Variants in TTLL11 observed in about 807,000 individuals in gnomAD.
TTLL11 encodes tubulin polyglutamylase TTLL11.
A neutral mutation model predicts 51.7 loss-of-function variants in TTLL11; 42 were observed. The observed-to-expected ratio is 0.81, with a 90% CI of 0.64 to 1.05. The LOEUF (loss-of-function observed/expected upper bound fraction) is 1.05. Among genes scored for constraint, TTLL11 ranks in the 50% least tolerant of loss-of-function variants. The pLI, the probability that TTLL11 is intolerant of heterozygous loss-of-function variation, is 0.00. For synonymous variants in TTLL11, 381 were observed against 383.5 expected (o/e 0.99, Z 0.08); for missense variants, 799 against 940.4 (o/e 0.85, Z 1.97).
chr9:122,013,868 C>T (rs1352446377), intron 3 of TTLL11, among the ~76,000 whole-genome samples: 1 of 152,168 alleles, frequency 6.6e-6, no homozygotes, highest in East Asian at 1.9e-4. Context: ...GAAACTTGTG[C>T]AGAATTTTAA....
chr9:121,887,023 T>C (rs1480625633), intron 6 of TTLL11, among the ~76,000 whole-genome samples: 2 of 152,016 alleles, frequency 1.3e-5, no homozygotes, highest in African/African-American at 4.8e-5. Flanking sequence ...GGTAACTAAG[T>C]ACTGGCCCAT....
chr9:121,880,724 C>T (rs754902258), intron 6 of TTLL11, among the ~76,000 whole-genome samples: 26 of 152,244 alleles, frequency 1.7e-4, no homozygotes, highest in African/African-American at 3.9e-4. Flanking sequence ...GCTCCCAGTA[C>T]GCAGTAGGTG....
chr9:121,845,875 A>G (rs1837501241), intron 8 of TTLL11, among the ~76,000 whole-genome samples: 2 of 152,208 alleles, frequency 1.3e-5, no homozygotes, highest in South Asian at 4.1e-4. Context: ...AGAACAAGTC[A>G]GTGAATAGCA....
chr9:122,018,807 T>C (rs573643242), intron 3 of TTLL11, among the ~76,000 whole-genome samples: 7 of 152,336 alleles, frequency 4.6e-5, no homozygotes, highest in Admixed American at 2.0e-4. Context: ...CCTGAGGACT[T>C]TCAGCATCAA....
Position 121,866,008 on chromosome 9 carries a change from T to C in TTLL11, c.1733+4489A>G, listed in dbSNP as rs1404972301. Among the ~76,000 whole-genome samples, 8 of 152,306 alleles carry C rather than the reference T, an allele frequency of 5.3e-5. 1 individual carries two copies. The South Asian group carries it at 1.5e-3, about 28-fold the overall frequency. Reference sequence around the variant, plus strand: ...TGTTTATTATTTTCTTCCCTCTAGTTCTCTTCAAGGAGCTTGGAGAGAGAG... The same window carrying C: ...TGTTTATTATTTTCTTCCCTCTAGTCCTCTTCAAGGAGCTTGGAGAGAGAG... On this transcript the variant is annotated intron_variant, in intron 7 of 8. Transcript: ENST00000321582.
chr9:121,869,434 C>G (rs1036784923), intron 7 of TTLL11, among the ~76,000 whole-genome samples: 4 of 152,158 alleles, frequency 2.6e-5, no homozygotes, highest in Non-Finnish European at 5.9e-5. Context: ...ATACTGAGTG[C>G]TAGCAGACAT....
At chr9:121,906,473 T>A (rs748937240) in intron 6 of TTLL11, among the ~76,000 whole-genome samples, 107 of 152,326 alleles carry the variant, frequency 7.0e-4, no homozygotes, top group Non-Finnish European at 1.4e-3. Context: ...CTTTATCCCA[T>A]CACAGTTATT....
intron 1 of TTLL11, among the ~76,000 whole-genome samples, chr9:122,079,908 A>G (rs1051309857): frequency 1.3e-5 from 2 of 152,154 alleles, no homozygotes; most frequent in African/African-American, 4.8e-5. Flanking sequence ...TGGAAGGATC[A>G]CTTGAGGCTA....
chr9:122,064,156 A>C (rs1361171191), intron 1 of TTLL11, among the ~76,000 whole-genome samples: 1 of 152,226 alleles, frequency 6.6e-6, no homozygotes, highest in Admixed American at 6.5e-5. Context: ...ATCTACAATT[A>C]TATCATTTTC....
intron 6 of TTLL11, among the ~76,000 whole-genome samples, chr9:121,948,907 C>T (rs1217289934): frequency 6.6e-6 from 1 of 152,150 alleles, no homozygotes. Context: ...GCTTTGGGCA[C>T]AAAGGGACCA....
At chr9:121,988,067 TC>T in intron 4 of TTLL11, among the ~76,000 whole-genome samples, 1 of 152,104 alleles carries the variant, frequency 6.6e-6, no homozygotes, top group African/African-American at 2.4e-5. Flanking sequence ...CCTCAGGTTC[TC>T]CCTGCCCTCA....
chr9:122,059,935 A>G (rs1845397652), intron 1 of TTLL11, among the ~76,000 whole-genome samples: 1 of 151,936 alleles, frequency 6.6e-6, no homozygotes, highest in African/African-American at 2.4e-5. Flanking sequence ...GCAACTAGAG[A>G]CTCCCCACAG....
intron 1 of TTLL11, among the ~76,000 whole-genome samples, chr9:122,068,541 C>T (rs1025786307): frequency 6.6e-6 from 1 of 152,132 alleles, no homozygotes; most frequent in African/African-American, 2.4e-5. Context: ...TCTCTCAACC[C>T]TCCTCTAAGG....
intron 4 of TTLL11, among the ~76,000 whole-genome samples, chr9:121,979,254 TGGA>T (rs1842779036): frequency 6.6e-6 from 1 of 152,122 alleles, no homozygotes; most frequent in African/African-American, 2.4e-5. Flanking sequence ...GGAGTGGGCT[TGGA>T]GGAGGAGCTT....
chr9:121,952,380 A>C (rs1841876855), intron 6 of TTLL11, among the ~76,000 whole-genome samples: 1 of 147,558 alleles, frequency 6.8e-6, no homozygotes, highest in Non-Finnish European at 1.5e-5. Context: ...TGGGAGACAG[A>C]GGTTGCAGTG....
chr9:121,863,531 A>C (rs1429612351), intron 7 of TTLL11, among the ~76,000 whole-genome samples: 1 of 152,188 alleles, frequency 6.6e-6, no homozygotes, highest in Admixed American at 6.5e-5. Flanking sequence ...GTAATTTACC[A>C]AAGAAATTCT....
At chr9:121,874,751 G>A (rs1838500888) in intron 6 of TTLL11, among the ~76,000 whole-genome samples, 1 of 149,152 alleles carries the variant, frequency 6.7e-6, no homozygotes, top group Non-Finnish European at 1.5e-5. Flanking sequence ...CCTCTCAGAG[G>A]CATAATTTTT....
chr9:121,918,302 C>G (rs755723133), intron 6 of TTLL11, among the ~76,000 whole-genome samples: 1 of 152,090 alleles, frequency 6.6e-6, no homozygotes, highest in Non-Finnish European at 1.5e-5. Context: ...ACCAGAGAAA[C>G]CAGAAGTCAC....
At chr9:121,888,627 A>G (rs1174241508) in intron 6 of TTLL11, among the ~76,000 whole-genome samples, 1 of 152,198 alleles carries the variant, frequency 6.6e-6, no homozygotes, top group African/African-American at 2.4e-5. Flanking sequence ...AATAAATTAG[A>G]CACAGACACA....
Sources: allele counts gnomAD v4.1 joint callset (sites outside exome capture counted in the v4.1 genomes callset), GRCh38; gene constraint gnomAD v4.1.1; transcripts MANE v1.5; gene names NCBI Gene and HGNC (gene_info 2026-07-23, HGNC 2026-07-21).